Variants in KCNMB2 observed in about 807,000 individuals in gnomAD.
KCNMB2 encodes the protein potassium calcium-activated channel subfamily M regulatory beta subunit 2.
In KCNMB2, 9 loss-of-function variants were observed where a neutral mutation model predicts 24.5. The ratio of observed to expected loss-of-function variants is 0.37; its 90% CI spans 0.22 to 0.64. The LOEUF (loss-of-function observed/expected upper bound fraction) is 0.64, where lower values mean the gene tolerates loss of function less well. KCNMB2 is among the 30% of genes least tolerant of loss of function. The pLI is 0.63. For missense variants in KCNMB2, 226 were observed against 284.3 expected, an observed-to-expected ratio of 0.79 and a Z score of 1.47; for synonymous variants, 109 against 104.4, an observed-to-expected ratio of 1.04 and a Z score of -0.27.
intron 4 of KCNMB2, among the ~76,000 whole-genome samples, chr3:178,838,444 C>T (rs1249945389): frequency 6.6e-6 from 1 of 152,062 alleles, no homozygotes; most frequent in African/African-American, 2.4e-5. Context: ...TCAACCAGAC[C>T]TTGCTACAAG....
chr3:178,618,273 C>T (rs932706428), intron 1 of KCNMB2, among the ~76,000 whole-genome samples: 1 of 152,098 alleles, frequency 6.6e-6, no homozygotes, highest in Admixed American at 6.5e-5. Flanking sequence ...TTTTCATTAT[C>T]ATCATCATCT....
At chr3:178,619,128 G>A (rs896927593) in intron 1 of KCNMB2, among the ~76,000 whole-genome samples, 3 of 152,116 alleles carry the variant, frequency 2.0e-5, no homozygotes, top group African/African-American at 7.2e-5. Flanking sequence ...TAGGTTCTGA[G>A]GATACAGAGT....
rs1287464245 is a variant in KCNMB2 at position 178,843,323 on chromosome 3, T to C, written c.*386T>C. On this transcript the variant is annotated 3_prime_UTR_variant, in exon 5 of 5. Coordinates refer to ENST00000452583, the MANE Select transcript of KCNMB2 (RefSeq NM_181361.3). The stretch of plus-strand genomic sequence containing the variant: ...TGAAGACAATATTTTTCATCACTTA[T>C]TGTTTACTAAAGCTACAGCCAAAAA... 2 of 406,198 alleles carry C rather than the reference T, an allele frequency of 4.9e-6. No individual in the cohort carries two copies. The highest frequency in any genetic ancestry group is 9.9e-6 in the Non-Finnish European group (2 of 202,930). 25.2% of individuals were successfully genotyped at this position (406,198 alleles called of 1,614,324 possible).
rs562450876 is a variant in KCNMB2, at chr3:178,818,146, T to C, written c.57-7442T>C. ...ATTCTGCAGAATTCTCTTCTGCCCT[T>C]TCCATGTTTTAGTGGCCACGCTGTC... is the stretch of plus-strand genomic sequence containing the variant. On this transcript the variant is annotated intron_variant, in intron 2 of 4. Transcript: ENST00000452583. Among the ~76,000 whole-genome samples, 4 of 152,348 alleles carry C rather than the reference T, an allele frequency of 2.6e-5. No individual in the cohort carries two copies. The East Asian group carries it at 7.7e-4, about 29-fold the overall frequency.
At chr3:178,697,097 G>A (rs1360809452) in intron 1 of KCNMB2, among the ~76,000 whole-genome samples, 1 of 152,164 alleles carries the variant, frequency 6.6e-6, no homozygotes, top group Non-Finnish European at 1.5e-5. Flanking sequence ...GGGGTGAAGA[G>A]TTCTGTAGAT....
intron 2 of KCNMB2, among the ~76,000 whole-genome samples, chr3:178,815,835 C>T (rs992067326): frequency 6.6e-6 from 1 of 151,940 alleles, no homozygotes; most frequent in Non-Finnish European, 1.5e-5. Flanking sequence ...GATTACATTA[C>T]TACTCAAATA....
At chr3:178,797,854 C>T (rs560140123) in intron 1 of KCNMB2, among the ~76,000 whole-genome samples, 4 of 152,092 alleles carry the variant, frequency 2.6e-5, no homozygotes, top group Non-Finnish European at 5.9e-5. Context: ...CCTTCACTTC[C>T]CTTCTTAGCT....
chr3:178,808,246 C>A (rs1560029954), intron 2 of KCNMB2, among the ~76,000 whole-genome samples: 1 of 152,134 alleles, frequency 6.6e-6, no homozygotes, highest in African/African-American at 2.4e-5. Context: ...ATTCTCTAGT[C>A]ATTTTTAAAT....
At chr3:178,538,764 A>C (rs1255035263) in intron 1 of KCNMB2, among the ~76,000 whole-genome samples, 1 of 152,170 alleles carries the variant, frequency 6.6e-6, no homozygotes, top group African/African-American at 2.4e-5. Flanking sequence ...AATATAGAGG[A>C]GATATGGTGC....
Position 178,825,337 on chromosome 3 carries a change from T to C in KCNMB2, c.57-251T>C, listed in dbSNP as rs143403454. 2.7e-3 allele frequency among the ~76,000 whole-genome samples: 410 copies of C among 152,300 alleles called. 2 individuals are homozygous for C. The highest frequency in any genetic ancestry group is 9.4e-3 in the African/African-American group (392 of 41,570). On this transcript the variant is annotated intron_variant, in intron 2 of 4. Coordinates refer to ENST00000452583, the MANE Select transcript of KCNMB2 (RefSeq NM_181361.3). ...GGAAAATTAATTTGCAGTTAAGACA[T>C]TGGCCCCAGAGTAAAGAAGGAGGGC...
chr3:178,724,874 G>A (rs1471120964), intron 1 of KCNMB2, among the ~76,000 whole-genome samples: 2 of 151,986 alleles, frequency 1.3e-5, no homozygotes, highest in African/African-American at 4.8e-5. Flanking sequence ...GTCTATTTTT[G>A]TACCAGCACA....
At chr3:178,717,800 A>C (rs568896052) in intron 1 of KCNMB2, among the ~76,000 whole-genome samples, 3 of 152,218 alleles carry the variant, frequency 2.0e-5, no homozygotes, top group East Asian at 1.9e-4. Flanking sequence ...CCTCGGGATA[A>C]CCTGGGGAGT....
At chr3:178,687,227 A>G (rs13073955) in intron 1 of KCNMB2, among the ~76,000 whole-genome samples, 49,751 of 151,924 alleles carry the variant, frequency 0.33, 8,935 homozygotes, top group African/African-American at 0.47. Flanking sequence ...TTTAAAAAAA[A>G]GCTGACCCTG....
chr3:178,762,454 T>G (rs958056004), intron 1 of KCNMB2, among the ~76,000 whole-genome samples: 2 of 152,124 alleles, frequency 1.3e-5, no homozygotes, highest in Admixed American at 6.5e-5. Context: ...AATATGAACA[T>G]GCAGGGCCTA....
At chr3:178,763,211 T>C (rs1180716471) in intron 1 of KCNMB2, among the ~76,000 whole-genome samples, 1 of 152,176 alleles carries the variant, frequency 6.6e-6, no homozygotes, top group Non-Finnish European at 1.5e-5. Flanking sequence ...TAGGGAACTG[T>C]AGGTGATGGT....
intron 1 of KCNMB2, among the ~76,000 whole-genome samples, chr3:178,637,048 G>A (rs1719552840): frequency 6.7e-6 from 1 of 149,742 alleles, no homozygotes; most frequent in Non-Finnish European, 1.5e-5. Context: ...TTTTTTTTGT[G>A]GCTGCATAGT....
chr3:178,635,053 A>G (rs950132613), intron 1 of KCNMB2, among the ~76,000 whole-genome samples: 3 of 152,070 alleles, frequency 2.0e-5, no homozygotes, highest in Non-Finnish European at 4.4e-5. Flanking sequence ...GTTTTCATGT[A>G]TGACTTTTCA....
chr3:178,756,716 C>A (rs1349800421), intron 1 of KCNMB2, among the ~76,000 whole-genome samples: 1 of 152,108 alleles, frequency 6.6e-6, no homozygotes, highest in African/African-American at 2.4e-5. Flanking sequence ...TACTTTAGCA[C>A]TTTCCAGAGC....
intron 1 of KCNMB2, among the ~76,000 whole-genome samples, chr3:178,718,118 C>T (rs988669380): frequency 5.3e-5 from 8 of 152,328 alleles, no homozygotes; most frequent in Admixed American, 5.2e-4. Flanking sequence ...GTCCTTCTAT[C>T]AGCAGGCTCT....
Sources: allele counts gnomAD v4.1 joint callset (sites outside exome capture counted in the v4.1 genomes callset), GRCh38; gene constraint gnomAD v4.1.1; transcripts MANE v1.5; gene names NCBI Gene and HGNC (gene_info 2026-07-23, HGNC 2026-07-21).